CFAP77: variants seen among roughly 807,000 people sequenced by gnomAD.
CFAP77 encodes cilia and flagella associated protein 77, also known as cilia- and flagella-associated protein 77.
Under a neutral mutation model 31.1 loss-of-function variants are expected in CFAP77, and 25 were observed. That is an observed-to-expected ratio of 0.80 (90% confidence interval 0.59 to 1.12). The LOEUF (loss-of-function observed/expected upper bound fraction) is 1.12, where lower values mean the gene tolerates loss of function less well. Among genes scored for constraint, CFAP77 ranks in the 50% most tolerant of loss-of-function variants. CFAP77 has a pLI of 0.00. For synonymous variants in CFAP77, 151 were observed against 159.9 expected (o/e 0.94, Z 0.42); for missense variants, 377 against 397.3 (o/e 0.95, Z 0.44).
intron 3 of CFAP77, chr9:132,513,352 T>C: frequency 6.5e-7 from 1 of 1,542,964 alleles, no homozygotes; most frequent in Admixed American, 2.0e-5. Context: ...ATCTGGCCGC[T>C]TTCGCTTCTG....
chr9:132,535,295 A>C (rs1448535447), intron 3 of CFAP77, among the ~76,000 whole-genome samples: 1 of 152,228 alleles, frequency 6.6e-6, no homozygotes, highest in Non-Finnish European at 1.5e-5. Context: ...TGTATACATA[A>C]TAGTTTCAAA....
intron 1 of CFAP77, among the ~76,000 whole-genome samples, chr9:132,441,778 G>A (rs943612170): frequency 7.2e-5 from 11 of 152,234 alleles, no homozygotes; most frequent in African/African-American, 2.7e-4. Flanking sequence ...TCAATGGCAA[G>A]GCTTGGGTCA....
At chr9:132,559,346 C>CAAAAAAAAAAAAGAAAAAA (rs1852958528) in intron 5 of CFAP77, among the ~76,000 whole-genome samples, 1 of 56,082 alleles carries the variant, frequency 1.8e-5, no homozygotes, top group East Asian at 4.8e-4. Flanking sequence ...CTCTGTCTTG[C>CAAAAAAAAAAAAGAAAAAA]AAAAAAAAAA....
intron 5 of CFAP77, among the ~76,000 whole-genome samples, chr9:132,555,145 C>T (rs1852881318): frequency 6.6e-6 from 1 of 152,220 alleles, no homozygotes; most frequent in Non-Finnish European, 1.5e-5. Flanking sequence ...ATGGCATTAA[C>T]ATCTTTGCTA....
intron 1 of CFAP77, among the ~76,000 whole-genome samples, chr9:132,447,511 G>C (rs1297196151): frequency 6.6e-6 from 1 of 152,210 alleles, no homozygotes; most frequent in Non-Finnish European, 1.5e-5. Flanking sequence ...GCTTGGACGT[G>C]ATCCCTGCTC....
chr9:132,544,582 C>A (rs1852704244), intron 5 of CFAP77, among the ~76,000 whole-genome samples: 1 of 150,384 alleles, frequency 6.6e-6, no homozygotes, highest in Non-Finnish European at 1.5e-5. Context: ...GCAGCCTCAA[C>A]TTCCCAGGCT....
At chr9:132,459,553 GTA>G (rs1415605417) in intron 1 of CFAP77, among the ~76,000 whole-genome samples, 1 of 151,804 alleles carries the variant, frequency 6.6e-6, no homozygotes, top group Non-Finnish European at 1.5e-5. Flanking sequence ...AGGTGTGTGT[GTA>G]TGTGTGTGAG....
chr9:132,462,082 C>T (rs1466441489), intron 1 of CFAP77, among the ~76,000 whole-genome samples: 2 of 152,078 alleles, frequency 1.3e-5, no homozygotes, highest in African/African-American at 2.4e-5. Context: ...AGAGAGGTAG[C>T]GATTAGTAAC....
rs1851780554 is a variant in CFAP77, at chr9:132,498,416, A to G, written c.196-279A>G. Among the ~76,000 whole-genome samples the G allele has an allele frequency of 6.6e-6, 1 of 151,946 alleles. No homozygotes were observed. The highest frequency in any genetic ancestry group is 2.4e-5 in the African/African-American group (1 of 41,362). Reference sequence around the variant, plus strand: ...GCTCAGCTCGGGGACTGTGCTCCCCACTCCAACAATACACATGTACCGAGA... The same window carrying G: ...GCTCAGCTCGGGGACTGTGCTCCCCGCTCCAACAATACACATGTACCGAGA... On this transcript the variant is annotated intron_variant, in intron 1 of 5. Coordinates refer to ENST00000393216, the MANE Select transcript of CFAP77 (RefSeq NM_001282957.2). This position sits in a 1 kb window ranked among gnomAD's most constrained non-coding sequence, Gnocchi z 4.2.
At chr9:132,449,898 TTTTGTTTG>T (rs372240867) in intron 1 of CFAP77, among the ~76,000 whole-genome samples, 20 of 88,812 alleles carry the variant, frequency 2.3e-4, no homozygotes, top group Non-Finnish European at 2.0e-4. Flanking sequence ...TTAAGAGTTT[TTTTGTTTG>T]TTTGTTTGTT....
intron 5 of CFAP77, among the ~76,000 whole-genome samples, chr9:132,547,128 A>C (rs947477934): frequency 9.2e-5 from 14 of 152,170 alleles, no homozygotes; most frequent in African/African-American, 3.1e-4. Flanking sequence ...TGGGGGATAG[A>C]GACGCTCCCC....
intron 1 of CFAP77, among the ~76,000 whole-genome samples, chr9:132,450,208 G>A (rs1177526580): frequency 6.6e-6 from 1 of 151,358 alleles, no homozygotes; most frequent in Non-Finnish European, 1.5e-5. Flanking sequence ...GGGATTACAG[G>A]TGTGAGCCAC....
chr9:132,532,386 T>C (rs953575416), intron 3 of CFAP77, among the ~76,000 whole-genome samples: 3 of 152,176 alleles, frequency 2.0e-5, no homozygotes, highest in African/African-American at 7.2e-5. Context: ...GCCAGCCTGA[T>C]AGGGCGATAG....
intron 5 of CFAP77, among the ~76,000 whole-genome samples, chr9:132,562,321 C>A (rs962160689): frequency 3.3e-5 from 5 of 152,190 alleles, no homozygotes; most frequent in African/African-American, 9.6e-5. Flanking sequence ...AACTGAAATC[C>A]TCTCTGCTTC....
intron 5 of CFAP77, among the ~76,000 whole-genome samples, chr9:132,550,035 G>C (rs1342812377): frequency 6.6e-6 from 1 of 152,170 alleles, no homozygotes; most frequent in Non-Finnish European, 1.5e-5. Context: ...GGGAGTGATG[G>C]GGGAATAGCG....
chr9:132,446,545 C>G (rs969639461), intron 1 of CFAP77, among the ~76,000 whole-genome samples: 1 of 151,932 alleles, frequency 6.6e-6, no homozygotes, highest in African/African-American at 2.4e-5. Context: ...TCGAGACCAT[C>G]CTTGCTAACA....
In CFAP77 at chr9:132,426,394, C is replaced by T. The variant is rs898819987; in HGVS notation, c.195+15928C>T. ...AATACATTTTTTAAAAGTAGGATCC[C>T]GTTTCCACCTGCAACCCAAGTTGGG... On this transcript the variant is annotated intron_variant, in intron 1 of 5. Transcript: ENST00000393216. 2.6e-5 allele frequency among the ~76,000 whole-genome samples: 4 copies of T among 152,134 alleles called. No individual in the cohort carries two copies. The East Asian group carries it at 7.7e-4, about 29-fold the overall frequency.
At chr9:132,566,170 G>A (rs1293263241) in intron 5 of CFAP77, among the ~76,000 whole-genome samples, 1 of 152,188 alleles carries the variant, frequency 6.6e-6, no homozygotes, top group African/African-American at 2.4e-5. Context: ...GGGCTGCTTG[G>A]AGAGGGGGGA....
chr9:132,569,420 AG>A lies in CFAP77; in HGVS notation c.733-2962del, dbSNP rs538559971. On this transcript the variant is annotated intron_variant, in intron 5 of 5. Coordinates refer to ENST00000393216, the MANE Select transcript of CFAP77 (RefSeq NM_001282957.2). ...GAACCTGATGGGGGCGGAGGGTGGTAGGGGGGAAAAGGAAAATTCTTATAGT... is the reference window on the plus strand; with the variant it reads ...GAACCTGATGGGGGCGGAGGGTGGTAGGGGGAAAAGGAAAATTCTTATAGT... Among the ~76,000 whole-genome samples, 1,023 of 152,048 alleles carry A rather than the reference AG, an allele frequency of 6.7e-3. 4 individuals carry two copies. The highest frequency in any genetic ancestry group is 8.4e-3 in the Non-Finnish European group (572 of 67,952).
Sources: gnomAD v4.1 joint callset for allele counts (sites outside exome capture counted in the v4.1 genomes callset) on GRCh38, gnomAD v4.1.1 for gene constraint, Gnocchi (gnomAD v3.1) non-coding constraint, MANE v1.5 for transcripts, NCBI Gene and HGNC (gene_info 2026-07-23, HGNC 2026-07-21) for gene names.